The following DDX10 variants were observed in gnomAD, a reference collection of about 807,000 sequenced individuals.
The protein encoded by DDX10 is probable ATP-dependent RNA helicase DDX10.
Under a neutral mutation model 104.3 loss-of-function variants are expected in DDX10, and 74 were observed. That is an observed-to-expected ratio of 0.71 (90% confidence interval 0.59 to 0.86). DDX10 has a LOEUF of 0.86. Among genes scored for constraint, DDX10 ranks in the 40% least tolerant of loss-of-function variants. The pLI is 0.00. For missense variants in DDX10, 952 were observed against 1,040.0 expected (o/e 0.92, Z 1.16); for synonymous variants, 351 against 353.4 (o/e 0.99, Z 0.08).
chr11:108,676,894 C>A, intron 3 of DDX10, among the ~76,000 whole-genome samples, 191 bp from the exon 4 acceptor site: 1 of 152,056 alleles, frequency 6.6e-6, no homozygotes, highest in East Asian at 1.9e-4. Flanking sequence ...TTTCTTTTCC[C>A]TTTCCTCTGA....
intron 16 of DDX10, among the ~76,000 whole-genome samples, chr11:108,892,486 A>G (rs1293432984): frequency 1.3e-5 from 2 of 152,180 alleles, no homozygotes; most frequent in African/African-American, 2.4e-5. Context: ...ATGATTTCAT[A>G]TCCTTTGCCA....
At chr11:108,843,665 A>T (rs943430442) in intron 15 of DDX10, among the ~76,000 whole-genome samples, 6 of 151,978 alleles carry the variant, frequency 3.9e-5, no homozygotes, top group African/African-American at 1.4e-4. Flanking sequence ...CTGAGGCAGG[A>T]GAATTGCTTG....
chr11:108,680,261 C>T (rs1258263276), intron 6 of DDX10, among the ~76,000 whole-genome samples: 1 of 152,158 alleles, frequency 6.6e-6, no homozygotes, highest in Non-Finnish European at 1.5e-5. Flanking sequence ...GTCACCCAGG[C>T]TGGAGTGCAG....
intron 9 of DDX10, among the ~76,000 whole-genome samples, chr11:108,701,705 CTGAG>C (rs893506956): frequency 4.5e-5 from 2 of 44,874 alleles, no homozygotes; most frequent in African/African-American, 1.2e-4. Flanking sequence ...TTTTTTGTGA[CTGAG>C]TGTCTGTGAC....
At chr11:108,909,236 C>T in intron 16 of DDX10, among the ~76,000 whole-genome samples, 1 of 152,250 alleles carries the variant, frequency 6.6e-6, no homozygotes, top group East Asian at 1.9e-4. Flanking sequence ...TATAAAAGCC[C>T]TTGAAAAGTG....
intron 16 of DDX10, among the ~76,000 whole-genome samples, chr11:108,890,835 T>C (rs992641650): frequency 2.0e-5 from 3 of 152,120 alleles, no homozygotes; most frequent in Non-Finnish European, 4.4e-5. Flanking sequence ...AGGTTGAGAC[T>C]AAGGAAGAAA....
At position 108,896,013 on chromosome 11, in the gene DDX10, C is replaced by T. The variant is rs145717763; in HGVS notation, c.2305-21860C>T. On this transcript the variant is annotated intron_variant, in intron 16 of 17. Coordinates refer to ENST00000322536, the MANE Select transcript of DDX10 (RefSeq NM_004398.4). Reference sequence around the variant, plus strand: ...GCAGGACTGGAATGTTTGTATACATCGTGCCACCCAAATGTAATCGTTCAG... The same window carrying T: ...GCAGGACTGGAATGTTTGTATACATTGTGCCACCCAAATGTAATCGTTCAG... 3.8e-3 allele frequency among the ~76,000 whole-genome samples: 582 copies of T among 152,164 alleles called. 4 individuals carry two copies. The highest frequency in any genetic ancestry group is 0.03 in the South Asian group (146 of 4,824).
intron 13 of DDX10, among the ~76,000 whole-genome samples, chr11:108,804,417 C>G (rs906381854): frequency 3.6e-5 from 5 of 140,814 alleles, no homozygotes; most frequent in African/African-American, 1.3e-4. Flanking sequence ...GAGATGATCT[C>G]TTGAGCTTGG....
chr11:108,826,887 T>C (rs1862402916), intron 13 of DDX10, among the ~76,000 whole-genome samples: 1 of 152,204 alleles, frequency 6.6e-6, no homozygotes, highest in African/African-American at 2.4e-5. Flanking sequence ...GAAAAAAAGC[T>C]ATGGGAGTTT....
At chr11:108,884,497 T>C (rs545783081) in intron 16 of DDX10, among the ~76,000 whole-genome samples, 1 of 152,160 alleles carries the variant, frequency 6.6e-6, no homozygotes, top group Non-Finnish European at 1.5e-5. Context: ...ACCTGCTAAT[T>C]AATATTTTTC....
chr11:108,749,790 A>T (rs2094336190), intron 13 of DDX10, among the ~76,000 whole-genome samples: 1 of 152,206 alleles, frequency 6.6e-6, no homozygotes. Context: ...ATTTGCAAAC[A>T]TTATTAAAAT....
intron 17 of DDX10, among the ~76,000 whole-genome samples, chr11:108,926,056 G>A (rs1391387367): frequency 2.0e-5 from 3 of 152,114 alleles, no homozygotes; most frequent in African/African-American, 4.8e-5. Context: ...GATGGGATGT[G>A]TTTCTGAGGA....
chr11:108,890,702 A>AT (rs1183868452), intron 16 of DDX10, among the ~76,000 whole-genome samples: 3 of 152,120 alleles, frequency 2.0e-5, no homozygotes, highest in African/African-American at 7.2e-5. Context: ...TTACTTGTTT[A>AT]TTACACTGAG....
chr11:108,719,946 T>A, intron 12 of DDX10, 61 bp downstream of exon 12: 1 of 1,049,520 alleles, frequency 9.5e-7, no homozygotes, highest in Non-Finnish European at 1.5e-6. Flanking sequence ...ATTAATTAAT[T>A]AATTTAGAGA....
chr11:108,666,372 C>T (rs1268500970), intron 1 of DDX10, among the ~76,000 whole-genome samples: 4 of 152,050 alleles, frequency 2.6e-5, no homozygotes, highest in African/African-American at 9.7e-5. Flanking sequence ...CCCAGCTACT[C>T]GGGAGGCTGA....
intron 13 of DDX10, among the ~76,000 whole-genome samples, chr11:108,777,185 A>G (rs1427975229): frequency 2.0e-5 from 3 of 152,182 alleles, no homozygotes; most frequent in East Asian, 1.9e-4. Flanking sequence ...AGTCCTTCAA[A>G]TAGTAGATTT....
rs75294075 is a variant in DDX10 at position 108,734,252 on chromosome 11, C to T, written c.1965+10790C>T. Among the ~76,000 whole-genome samples the T allele has an allele frequency of 3.5e-3, 529 of 152,188 alleles. 9 individuals carry two copies. In the East Asian group the frequency reaches 0.053, roughly 15 times the overall value. ...CTCTAAAGTCAAGACTACTGTACTC[C>T]GAATTTTTGCTACCATGAAGTGAAA... On this transcript the variant is annotated intron_variant, in intron 13 of 17. Transcript: ENST00000322536.
intron 13 of DDX10, among the ~76,000 whole-genome samples, chr11:108,732,138 A>AGATTT (rs1375546187): frequency 6.6e-6 from 1 of 152,224 alleles, no homozygotes; most frequent in African/African-American, 2.4e-5. Flanking sequence ...ATTTTATGGA[A>AGATTT]TATGTCTAAT....
At chr11:108,902,868 A>G (rs1863536389) in intron 16 of DDX10, among the ~76,000 whole-genome samples, 2 of 152,152 alleles carry the variant, frequency 1.3e-5, no homozygotes, top group African/African-American at 4.8e-5. Context: ...AGTAGAATGT[A>G]AAAAAATTTG....
Sources: gnomAD v4.1 joint callset for allele counts (sites outside exome capture counted in the v4.1 genomes callset) on GRCh38, gnomAD v4.1.1 for gene constraint, MANE v1.5 for transcripts, NCBI Gene and HGNC (gene_info 2026-07-23, HGNC 2026-07-21) for gene names.